Variants in TBCEL observed in about 807,000 individuals in gnomAD.
The protein encoded by TBCEL is tubulin-specific chaperone cofactor E-like protein.
Under a neutral mutation model 44.2 loss-of-function variants are expected in TBCEL, and 15 were observed. That is an observed-to-expected ratio of 0.34 (90% CI 0.23 to 0.52). The LOEUF (loss-of-function observed/expected upper bound fraction) is 0.52, where lower values mean the gene tolerates loss of function less well. Among genes scored for constraint, TBCEL ranks in the 20% least tolerant of loss-of-function variants. The pLI, the probability that TBCEL is intolerant of heterozygous loss-of-function variation, is 0.95. For synonymous variants in TBCEL, 171 were observed against 185.4 expected (o/e 0.92, Z 0.63); for missense variants, 319 against 506.3 (o/e 0.63, Z 3.55).
At chr11:121,083,286 AGTGGTAATTGATTGAAT>A (rs533718152) in intron 8 of TBCEL, among the ~76,000 whole-genome samples, 5 of 152,196 alleles carry the variant, frequency 3.3e-5, no homozygotes, top group African/African-American at 7.2e-5. Context: ...ATGAGTGGGA[AGTGGTAATTGATTGAAT>A]GTGGTAATTG....
At position 121,030,892 on chromosome 11, in the gene TBCEL, A is replaced by G. The variant is rs577202657; in HGVS notation, c.-125-5613A>G. On this transcript the variant is annotated intron_variant, in intron 1 of 8. Coordinates refer to ENST00000683345, the MANE Select transcript of TBCEL (RefSeq NM_001363644.2). Reference sequence around the variant, plus strand: ...TTGTGATTTTTTTTTTTTTTTACCCATTCAGCATTGTTTTATTTTTCTGCC... The same window carrying G: ...TTGTGATTTTTTTTTTTTTTTACCCGTTCAGCATTGTTTTATTTTTCTGCC... 3.9e-4 allele frequency among the ~76,000 whole-genome samples: 57 copies of G among 147,798 alleles called. No individual in the cohort carries two copies. The South Asian group carries it at 4.1e-3, about 11-fold the overall frequency.
chr11:121,055,479 ATGATC>A (rs1410350117), intron 6 of TBCEL, among the ~76,000 whole-genome samples, 171 bp downstream of exon 6: 6 of 152,094 alleles, frequency 3.9e-5, no homozygotes, highest in African/African-American at 1.4e-4. Context: ...ATTTTCATAA[ATGATC>A]TGATAAATAT....
At chr11:121,073,197 G>A (rs1456708783) in intron 8 of TBCEL, among the ~76,000 whole-genome samples, 1 of 151,754 alleles carries the variant, frequency 6.6e-6, no homozygotes, top group Non-Finnish European at 1.5e-5. Context: ...GTTGTAATTT[G>A]GATTTTGATT....
rs368381324 is a variant in TBCEL, at chr11:121,084,281, G to A, written c.957-2497G>A. ...ATTTATTTGGGTCTGTGGTGGTGGT[G>A]GTTTGCTCCTCAGTTTGTTTCTTTA... is the stretch of plus-strand genomic sequence containing the variant. On this transcript the variant is annotated intron_variant, in intron 8 of 8. Transcript: ENST00000683345. Among the ~76,000 whole-genome samples the A allele has an allele frequency of 4.7e-3, 718 of 152,140 alleles. 6 individuals are homozygous for A. Among genetic ancestry groups the A allele is most frequent in the African/African-American group, 0.016 (674 of 41,466 alleles).
At chr11:121,085,100 A>G (rs1457271942) in intron 8 of TBCEL, among the ~76,000 whole-genome samples, 2 of 151,890 alleles carry the variant, frequency 1.3e-5, no homozygotes, top group Non-Finnish European at 2.9e-5. Context: ...GTGCAGTGGC[A>G]CAATCTCGGC....
rs11218119 is a variant in TBCEL, at chr11:121,026,399, C to A, written c.-126+2108C>A. ...AGTCCTTTGAAAAGTTGTTACATAG[C>A]CTATTGCTGCAGGACATTGAGTGTC... On this transcript the variant is annotated intron_variant, in intron 1 of 8. Coordinates refer to ENST00000683345, the MANE Select transcript of TBCEL (RefSeq NM_001363644.2). Among the ~76,000 whole-genome samples, 1,220 of 152,250 alleles carry A rather than the reference C, an allele frequency of 8.0e-3. 18 individuals carry two copies. Among genetic ancestry groups the A allele is most frequent in the African/African-American group, 0.028 (1,167 of 41,548 alleles).
intron 8 of TBCEL, among the ~76,000 whole-genome samples, chr11:121,063,265 C>T (rs1159306375): frequency 6.6e-6 from 1 of 151,526 alleles, no homozygotes; most frequent in African/African-American, 2.4e-5. Context: ...CAAATAGGAA[C>T]AATTCAGAAA....
At chr11:121,066,145 C>G (rs533894328) in intron 8 of TBCEL, among the ~76,000 whole-genome samples, 2 of 152,206 alleles carry the variant, frequency 1.3e-5, no homozygotes, top group Non-Finnish European at 2.9e-5. Flanking sequence ...TTCTGTATCT[C>G]GCTATACAAA....
At chr11:121,032,660 A>G (rs1032872408) in intron 1 of TBCEL, among the ~76,000 whole-genome samples, 2 of 152,116 alleles carry the variant, frequency 1.3e-5, no homozygotes, top group African/African-American at 4.8e-5. Flanking sequence ...TTTCAACACT[A>G]CCCTTGGGGA....
At chr11:121,037,661 C>G (rs951477224) in intron 2 of TBCEL, among the ~76,000 whole-genome samples, 2 of 152,116 alleles carry the variant, frequency 1.3e-5, no homozygotes, top group African/African-American at 4.8e-5. Flanking sequence ...AGCAAAAAGG[C>G]AGGTTATAAA....
At chr11:121,046,251 A>G (rs953914013) in intron 3 of TBCEL, among the ~76,000 whole-genome samples, 14 of 152,112 alleles carry the variant, frequency 9.2e-5, no homozygotes, top group African/African-American at 2.9e-4. Context: ...AAGATAATTA[A>G]TATGATCAAG....
At chr11:121,028,294 C>T (rs1305764951) in intron 1 of TBCEL, among the ~76,000 whole-genome samples, 2 of 152,172 alleles carry the variant, frequency 1.3e-5, no homozygotes, top group Non-Finnish European at 2.9e-5. Flanking sequence ...CTGGTGGAAT[C>T]TAGGAATCTG....
intron 4 of TBCEL, among the ~76,000 whole-genome samples, chr11:121,048,151 T>C (rs952146820): frequency 6.6e-6 from 1 of 151,892 alleles, no homozygotes; most frequent in Non-Finnish European, 1.5e-5. Flanking sequence ...ACTGTTTCAC[T>C]AATTTATACA....
At chr11:121,037,007 A>G (rs927470916) in intron 2 of TBCEL, among the ~76,000 whole-genome samples, 1 of 152,192 alleles carries the variant, frequency 6.6e-6, no homozygotes, top group African/African-American at 2.4e-5. Context: ...ATAGAAGAAG[A>G]GGGTGGTAAT....
Position 121,055,230 on chromosome 11 carries a change from T to C in TBCEL, c.634T>C (p.Leu212=), listed in dbSNP as rs2134949013. 1 of 1,612,230 alleles carries C rather than the reference T, an allele frequency of 6.2e-7. No individual in the cohort carries two copies. The highest frequency in any genetic ancestry group is 8.5e-7 in the Non-Finnish European group (1 of 1,178,956). Residue 212 remains leucine (L), a synonymous_variant, in exon 6 of 9, where the codon TTG becomes CTG. Coordinates refer to ENST00000683345, the MANE Select transcript of TBCEL (RefSeq NM_001363644.2). The part of the protein sequence containing the change: ...LDTLVLANNH[L]NAIEEPDDSL... ...TACCCTCGTCCTGGCCAACAATCAT[T>C]TGAATGCTATTGAGGAGCCTGATGA...
rs1221744805 is a variant in TBCEL at position 121,090,011 on chromosome 11, A to C, written c.*2915A>C. On this transcript the variant is annotated 3_prime_UTR_variant, in exon 9 of 9. Transcript: ENST00000683345. ...TATCCTAGATTGCTTTAATGGAAAA[A>C]ATCCAGAGTCACATATCTTTTTTAT... The C allele has an allele frequency of 2.0e-5, 3 of 152,202 alleles. No homozygotes were observed. Among genetic ancestry groups the C allele is most frequent in the African/African-American group, 7.2e-5 (3 of 41,456 alleles). 9.4% of individuals were successfully genotyped at this position (152,202 alleles called of 1,614,324 possible).
chr11:121,045,779 T>A lies in TBCEL; in HGVS notation c.89T>A (p.Met30Lys). Residue 30 changes from methionine to lysine, a missense_variant, in exon 3 of 9, where the codon ATG becomes AAG. Physicochemically the swap from Met to Lys is moderately conservative, Grantham distance 95. Transcript: ENST00000683345. ...ENFPYRRGPG[M>K]GVHVPATPQG... ...TTTCCTTATCGCCGTGGCCCGGGGA[T>A]GGGAGTCCATGTCCCAGCCACACCT... 2.5e-6 allele frequency: 4 copies of A among 1,611,438 alleles called. No homozygotes were observed. Among genetic ancestry groups the A allele is most frequent in the Non-Finnish European group, 1.7e-6 (2 of 1,179,078 alleles).
intron 2 of TBCEL, among the ~76,000 whole-genome samples, chr11:121,042,395 T>C (rs994578342): frequency 1.3e-5 from 2 of 152,230 alleles, no homozygotes; most frequent in East Asian, 1.9e-4. Flanking sequence ...GGAGTTTACA[T>C]TGAAAAAGAA....
chr11:121,083,342 A>G (rs1946160054), intron 8 of TBCEL, among the ~76,000 whole-genome samples: 1 of 152,176 alleles, frequency 6.6e-6, no homozygotes, highest in African/African-American at 2.4e-5. Context: ...GAGAAGAGAT[A>G]GGAGAGAAAG....
Sources: gnomAD v4.1 joint callset for allele counts (sites outside exome capture counted in the v4.1 genomes callset) on GRCh38, gnomAD v4.1.1 for gene constraint, MANE v1.5 for transcripts, NCBI Gene and HGNC (gene_info 2026-07-23, HGNC 2026-07-21) for gene names.